The following SRCIN1 variants were observed in gnomAD, a reference collection of about 807,000 sequenced individuals.
The protein encoded by SRCIN1 is SRC kinase signaling inhibitor 1.
Under a neutral mutation model 116.2 loss-of-function variants are expected in SRCIN1, and 50 were observed. The ratio of observed to expected loss-of-function variants is 0.43; its 90% CI spans 0.34 to 0.54. The LOEUF is 0.54. Among genes scored for constraint, SRCIN1 ranks in the 20% least tolerant of loss-of-function variants. The probability of loss-of-function intolerance (pLI) is 0.02; values close to 1 mark genes in which losing one functional copy is unlikely to be tolerated. For missense variants in SRCIN1, 1,446 were observed against 1,672.0 expected (o/e 0.86, Z 2.36); for synonymous variants, 736 against 750.0 (o/e 0.98, Z 0.30).
At chr17:38,551,481 G>C in intron 14 of SRCIN1, 92 bp from the exon 15 acceptor site, 2 of 1,129,734 alleles carry the variant, frequency 1.8e-6, no homozygotes, top group African/African-American at 3.1e-5. Flanking sequence ...ACGTAGGCAA[G>C]GAATAGAAAA....
chr17:38,568,474 GT>G lies in SRCIN1; in HGVS notation c.325-244del, dbSNP rs1435867303. Reference sequence around the variant, plus strand: ...ACAGCGACTCCTCGCAGAGTTACTGGTGGGAAAAGGCACAGAGGATGGTGAT... The same window carrying G: ...ACAGCGACTCCTCGCAGAGTTACTGGGGGAAAAGGCACAGAGGATGGTGAT... On this transcript the variant is annotated intron_variant, in intron 2 of 18. Transcript: ENST00000617146. This position sits in a 1 kb window ranked among gnomAD's most constrained non-coding sequence, Gnocchi z 4.5. 6.6e-6 allele frequency among the ~76,000 whole-genome samples: 1 copy of G among 152,224 alleles called. No homozygotes were observed.
chr17:38,563,501 C>G lies in SRCIN1; in HGVS notation c.562G>C (p.Gly188Arg), dbSNP rs1311165480. The change falls in exon 5 of 19, where the codon GGG becomes CGG. Residue 188 changes from glycine (G) to arginine (R), a missense_variant. Physicochemically the swap from Gly to Arg is moderately radical, Grantham distance 125. This residue lies in a region of SRCIN1 where 246 missense variants were observed against 265.1 expected (regional missense o/e 0.93). Coordinates refer to ENST00000617146, the MANE Select transcript of SRCIN1 (RefSeq NM_025248.3). The surrounding 1 kb of genome is among the most constrained non-coding windows in gnomAD (Gnocchi z 5.8). Reference protein sequence around the residue: ...RSPGVLFLQFGEETRRVHITH... With the variant: ...RSPGVLFLQFREETRRVHITH... ...ATGTGCACGCGCCGAGTCTCCTCCC[C>G]GAACTGCAGGAACAGCACCCCTGCG... 4 of 1,551,868 alleles carry G rather than the reference C, an allele frequency of 2.6e-6. No homozygotes were observed. Among genetic ancestry groups the G allele is most frequent in the Non-Finnish European group, 3.5e-6 (4 of 1,147,694 alleles).
chr17:38,540,994 G>T (rs1029537934), intron 18 of SRCIN1, among the ~76,000 whole-genome samples: 1 of 152,008 alleles, frequency 6.6e-6, no homozygotes, highest in African/African-American at 2.4e-5. Flanking sequence ...AATCCCAGCA[G>T]TTTGGAAGGC....
intron 1 of SRCIN1, 66 bp from the exon 2 acceptor site, chr17:38,578,857 A>T: frequency 7.0e-7 from 1 of 1,424,662 alleles, no homozygotes; most frequent in African/African-American, 1.5e-5. Context: ...CCATCCCCCA[A>T]GGGGGTCCCT....
At chr17:38,582,943 C>T (rs1907904764) in intron 1 of SRCIN1, among the ~76,000 whole-genome samples, 2 of 152,208 alleles carry the variant, frequency 1.3e-5, no homozygotes, top group South Asian at 4.2e-4. Flanking sequence ...TGGGGGGGCT[C>T]TGAAGATTCA....
chr17:38,538,036 G>GGT (rs1200914647), intron 18 of SRCIN1, among the ~76,000 whole-genome samples: 1 of 150,464 alleles, frequency 6.6e-6, no homozygotes, highest in African/African-American at 2.5e-5. Context: ...GGAGGCAGAG[G>GGT]TTGCAGTGAC....
intron 2 of SRCIN1, among the ~76,000 whole-genome samples, chr17:38,569,162 A>T (rs528815709): frequency 4.6e-5 from 7 of 152,274 alleles, no homozygotes; most frequent in Admixed American, 4.6e-4. Flanking sequence ...TAGAATGGGA[A>T]GCCAGAGAGT....
At chr17:38,536,985 T>C (rs1904415995) in intron 18 of SRCIN1, among the ~76,000 whole-genome samples, 1 of 151,898 alleles carries the variant, frequency 6.6e-6, no homozygotes, top group South Asian at 2.1e-4. Flanking sequence ...GAGACCAGCC[T>C]GGCCAACACA....
At position 38,560,757 on chromosome 17, in the gene SRCIN1, G is replaced by T. The variant is rs1332382380; in HGVS notation, c.1701-332C>A. On this transcript the variant is annotated intron_variant, in intron 7 of 18. Coordinates refer to ENST00000617146, the MANE Select transcript of SRCIN1 (RefSeq NM_025248.3). Reference sequence around the variant, plus strand: ...CCTCCTTCCATACCACCCAAGGGAAGTGGAGGTATGCTGAGTGTCTCCCCA... The same window carrying T: ...CCTCCTTCCATACCACCCAAGGGAATTGGAGGTATGCTGAGTGTCTCCCCA... Among the ~76,000 whole-genome samples the T allele has an allele frequency of 2.0e-5, 3 of 152,214 alleles. No individual in the cohort carries two copies. The East Asian group carries it at 5.8e-4, about 29-fold the overall frequency.
At chr17:38,535,721 G>T (rs1310996240) in intron 18 of SRCIN1, among the ~76,000 whole-genome samples, 1 of 152,010 alleles carries the variant, frequency 6.6e-6, no homozygotes, top group African/African-American at 2.4e-5. Flanking sequence ...CACTTACCTT[G>T]GGCTCAGTCC....
intron 2 of SRCIN1, among the ~76,000 whole-genome samples, chr17:38,570,275 C>T (rs8081513): frequency 0.078 from 11,817 of 152,284 alleles, 479 homozygotes; most frequent in Middle Eastern, 0.099. Flanking sequence ...GTTTGGCTCC[C>T]GCCAGACCCC....
intron 2 of SRCIN1, among the ~76,000 whole-genome samples, chr17:38,577,843 C>T (rs542635923): frequency 1.3e-5 from 2 of 152,162 alleles, no homozygotes; most frequent in Non-Finnish European, 2.9e-5. Flanking sequence ...GGTCTAGACA[C>T]AGGCGCTGTG....
intron 1 of SRCIN1, among the ~76,000 whole-genome samples, chr17:38,601,889 G>A (rs193156720): frequency 1.3e-5 from 2 of 152,256 alleles, no homozygotes; most frequent in African/African-American, 2.4e-5. Context: ...GAGGGAGGAA[G>A]GGGGAGGCAG....
chr17:38,563,910 G>C lies in SRCIN1; in HGVS notation c.541+208C>G, dbSNP rs1906471863. Reference sequence around the variant, plus strand: ...AGAAAAGGAAGCAAGAGGGAGAGAGGAGGCTTGGAGGGAAAGGGGTCGGGT... The same window carrying C: ...AGAAAAGGAAGCAAGAGGGAGAGAGCAGGCTTGGAGGGAAAGGGGTCGGGT... On this transcript the variant is annotated intron_variant, in intron 4 of 18. Coordinates refer to ENST00000617146, the MANE Select transcript of SRCIN1 (RefSeq NM_025248.3). The surrounding 1 kb of genome is among the most constrained non-coding windows in gnomAD (Gnocchi z 5.8). The C allele has an allele frequency of 8.1e-6, 5 of 620,236 alleles. No homozygotes were observed. The highest frequency in any genetic ancestry group is 2.9e-5 in the Admixed American group (1 of 34,568). 38.4% of individuals were successfully genotyped at this position (620,236 alleles called of 1,614,324 possible).
At chr17:38,553,540 G>A (rs1249609176) in intron 11 of SRCIN1, among the ~76,000 whole-genome samples, 1 of 152,134 alleles carries the variant, frequency 6.6e-6, no homozygotes, top group African/African-American at 2.4e-5. Flanking sequence ...TGTCTCGGGG[G>A]AAACTGCCAT....
At chr17:38,566,789 A>G (rs1346076346) in intron 3 of SRCIN1, among the ~76,000 whole-genome samples, 1 of 152,198 alleles carries the variant, frequency 6.6e-6, no homozygotes, top group African/African-American at 2.4e-5. Context: ...GTCAGCTACC[A>G]TGTAAGGCTC....
At chr17:38,543,072 G>A in intron 18 of SRCIN1, 2 of 456,690 alleles carry the variant, frequency 4.4e-6, no homozygotes, top group Non-Finnish European at 8.8e-6. Context: ...GGCCACAAGG[G>A]CAGTAAACAC....
Position 38,562,189 on chromosome 17 carries a change from G to A in SRCIN1, c.974C>T (p.Pro325Leu). 1 of 1,393,460 alleles carries A rather than the reference G, an allele frequency of 7.2e-7. No homozygotes were observed. 86.3% of individuals were successfully genotyped at this position (1,393,460 alleles called of 1,614,324 possible). A position where few individuals can be genotyped will look rare whatever the true frequency, so the allele number is the denominator to read the frequency against. Reference protein sequence around the residue: ...GLPSGLQSGSPSRSRLSYAGG... With the variant: ...GLPSGLQSGSLSRSRLSYAGG... ...GGCGTACGATAGGCGCGAACGCGAC[G>A]GCGAACCGGACTGCAGCCCGGACGG... The change falls in exon 7 of 19, where the codon CCG becomes CTG. Residue 325 changes from proline (P) to leucine (L), a missense_variant. Pro to Leu is a moderately conservative substitution (Grantham distance 98, BLOSUM62 -3). Around this residue, in one of 5 missense-constraint regions of SRCIN1, gnomAD observed 239 missense variants for 317.7 expected, o/e 0.75. Coordinates refer to ENST00000617146, the MANE Select transcript of SRCIN1 (RefSeq NM_025248.3). This position sits in a 1 kb window ranked among gnomAD's most constrained non-coding sequence, Gnocchi z 4.2.
chr17:38,570,145 C>T (rs147790265), intron 2 of SRCIN1, among the ~76,000 whole-genome samples: 25 of 152,216 alleles, frequency 1.6e-4, no homozygotes, highest in African/African-American at 5.1e-4. Context: ...ACACCCAGAG[C>T]GACACACACA....
Sources: gnomAD v4.1 joint callset for allele counts (sites outside exome capture counted in the v4.1 genomes callset) on GRCh38, gnomAD v4.1.1 for gene constraint, gnomAD v4.1.1 regional missense constraint, Gnocchi (gnomAD v3.1) non-coding constraint, MANE v1.5 for transcripts, NCBI Gene and HGNC (gene_info 2026-07-23, HGNC 2026-07-21) for gene names.